The following CPLX1 variants were observed in gnomAD, a reference collection of about 807,000 sequenced individuals.
The protein encoded by CPLX1 is complexin-1.
In CPLX1, 6 loss-of-function variants were observed where a neutral mutation model predicts 15.6. The ratio of observed to expected loss-of-function variants is 0.39; its 90% CI spans 0.21 to 0.76. The LOEUF (loss-of-function observed/expected upper bound fraction) is 0.76. Among genes scored for constraint, CPLX1 ranks in the 30% least tolerant of loss-of-function variants. The pLI, the probability that CPLX1 is intolerant of heterozygous loss-of-function variation, is 0.43. For synonymous variants in CPLX1, 91 were observed against 75.2 expected (o/e 1.21, Z -1.08); for missense variants, 242 against 188.6 (o/e 1.28, Z -1.66).
At chr4:813,264 C>CAAAAAAAA (rs397881229) in intron 2 of CPLX1, among the ~76,000 whole-genome samples, 1 of 93,108 alleles carries the variant, frequency 1.1e-5, no homozygotes. Context: ...GACTCTGTCT[C>CAAAAAAAA]AAAAAAAAAA....
chr4:786,287 A>C lies in CPLX1; in HGVS notation c.*214T>G. 1 of 404,714 alleles carries C rather than the reference A, an allele frequency of 2.5e-6. No homozygotes were observed. 25.1% of individuals were successfully genotyped at this position (404,714 alleles called of 1,614,324 possible). ...CGTCCCAGGCGATGGGGCTCCAGCC[A>C]CCCGCGGGCAGAGGAGCACGGGGCG... On this transcript the variant is annotated 3_prime_UTR_variant, in exon 4 of 4. Transcript: ENST00000304062.
intron 2 of CPLX1, among the ~76,000 whole-genome samples, chr4:816,084 C>T (rs1301706450): frequency 1.3e-5 from 2 of 152,146 alleles, no homozygotes; most frequent in Admixed American, 1.3e-4. Context: ...ACCTTGGAGG[C>T]TGGTTTTTCT....
At chr4:789,919 C>T (rs547163139) in intron 3 of CPLX1, among the ~76,000 whole-genome samples, 5 of 80,372 alleles carry the variant, frequency 6.2e-5, no homozygotes, top group Non-Finnish European at 1.0e-4. Flanking sequence ...AGGGTTCCCC[C>T]ACCCCAACAG....
chr4:793,990 G>A (rs984813497), intron 2 of CPLX1, among the ~76,000 whole-genome samples: 2 of 152,206 alleles, frequency 1.3e-5, no homozygotes, highest in African/African-American at 2.4e-5. Context: ...TGTCCCTGGC[G>A]CTCTGGGTTC....
chr4:795,798 G>A (rs1186726253), intron 2 of CPLX1, among the ~76,000 whole-genome samples: 7 of 148,332 alleles, frequency 4.7e-5, no homozygotes, highest in Admixed American at 4.6e-4. Flanking sequence ...ACCGGGTGGA[G>A]AGGGGGTGGG....
intron 2 of CPLX1, chr4:804,835 G>A: frequency 2.0e-6 from 2 of 985,468 alleles, no homozygotes; most frequent in Non-Finnish European, 1.2e-6. Flanking sequence ...GCAAGCGTGG[G>A]GAGCGACGTG....
intron 2 of CPLX1, among the ~76,000 whole-genome samples, chr4:815,104 G>A (rs1251977760): frequency 1.3e-5 from 2 of 152,188 alleles, no homozygotes; most frequent in African/African-American, 4.8e-5. Flanking sequence ...AAATTCAGTT[G>A]AAGTGTTAGA....
In CPLX1 at chr4:808,684, C is replaced by T. The variant is rs561031453; in HGVS notation, c.31+15808G>A. Among the ~76,000 whole-genome samples the T allele has an allele frequency of 1.1e-4, 17 of 152,244 alleles. No homozygotes were observed. In the South Asian group the frequency reaches 1.9e-3, roughly 17 times the overall value. ...AGAAAGAAGCCTGGGACACACAAAA[C>T]GAGGGGAAACGATTGAGAACTAGCC... On this transcript the variant is annotated intron_variant, in intron 2 of 3. Coordinates refer to ENST00000304062, the MANE Select transcript of CPLX1 (RefSeq NM_006651.4).
intron 2 of CPLX1, among the ~76,000 whole-genome samples, chr4:822,219 ACT>A (rs543542507): frequency 8.0e-5 from 10 of 124,752 alleles, no homozygotes; most frequent in African/African-American, 2.8e-4. Context: ...TATCTCTCTA[ACT>A]CTCTCTGTCT....
intron 3 of CPLX1, among the ~76,000 whole-genome samples, chr4:789,579 G>C (rs963585523): frequency 6.6e-6 from 1 of 152,192 alleles, no homozygotes; most frequent in Admixed American, 6.5e-5. Flanking sequence ...GAAGGCCCAG[G>C]TGTGGGCTGC....
intron 3 of CPLX1, among the ~76,000 whole-genome samples, chr4:791,060 CGTCTCCCGCTCCTGATACCCACA>C (rs1181128827): frequency 1.5e-4 from 23 of 152,220 alleles, no homozygotes; most frequent in Middle Eastern, 3.4e-3. Context: ...CTCCTGTCCC[CGTCTCCCGCTCCTGATACCCACA>C]GTCTCCCGAG....
intron 2 of CPLX1, among the ~76,000 whole-genome samples, chr4:807,615 C>T (rs748941836): frequency 6.6e-6 from 1 of 151,956 alleles, no homozygotes; most frequent in African/African-American, 2.4e-5. Flanking sequence ...GCTGAGATTA[C>T]GGGCAGGTGC....
intron 3 of CPLX1, among the ~76,000 whole-genome samples, chr4:792,146 C>T (rs1746194966): frequency 6.6e-6 from 1 of 152,212 alleles, no homozygotes; most frequent in Non-Finnish European, 1.5e-5. Flanking sequence ...CCCAGGGCCC[C>T]AGGCAGCCAG....
At chr4:798,272 CAA>C (rs35668656) in intron 2 of CPLX1, among the ~76,000 whole-genome samples, 11 of 75,478 alleles carry the variant, frequency 1.5e-4, no homozygotes, top group Admixed American at 4.6e-4. Context: ...GACTCCGTCT[CAA>C]AAAAAAAAAA....
rs979566576 is a variant in CPLX1, at chr4:800,487, TATATACACACAC to T, written c.32-7891_32-7880del. Reference sequence around the variant, plus strand: ...CCATCTCTACTAAAAAATATATATATATATACACACACATATACACACACAGACACATATATG... The same window carrying T: ...CCATCTCTACTAAAAAATATATATATATATACACACACAGACACATATATG... On this transcript the variant is annotated intron_variant, in intron 2 of 3. Transcript: ENST00000304062. Among the ~76,000 whole-genome samples, 5 of 146,178 alleles carry T rather than the reference TATATACACACAC, an allele frequency of 3.4e-5. No individual in the cohort carries two copies. In the South Asian group the frequency reaches 6.4e-4, roughly 19 times the overall value.
chr4:813,281 AAAG>A (rs1372559520), intron 2 of CPLX1, among the ~76,000 whole-genome samples: 4 of 151,884 alleles, frequency 2.6e-5, no homozygotes, highest in African/African-American at 7.3e-5. Context: ...AAAAAAAAAA[AAAG>A]AGAAAGTGAA....
intron 3 of CPLX1, among the ~76,000 whole-genome samples, chr4:789,032 T>C (rs1746087602): frequency 6.6e-6 from 1 of 152,162 alleles, no homozygotes; most frequent in Non-Finnish European, 1.5e-5. Context: ...TGCCACCAGG[T>C]TGTGGGACAC....
intron 2 of CPLX1, among the ~76,000 whole-genome samples, chr4:806,843 T>C (rs1034018545): frequency 1.3e-5 from 2 of 152,154 alleles, no homozygotes; most frequent in African/African-American, 4.8e-5. Flanking sequence ...GCTGGGAAGG[T>C]TGCAGAGAAA....
In CPLX1 at chr4:817,562, G is replaced by GA. The variant is rs955263852; in HGVS notation, c.31+6929dup. On this transcript the variant is annotated intron_variant, in intron 2 of 3. Transcript: ENST00000304062. Reference sequence around the variant, plus strand: ...ATAGAGCGAGACTCTGTCTCAAAAAGAAAAAAAAAATCAGTCCAAGGAGAC... The same window carrying GA: ...ATAGAGCGAGACTCTGTCTCAAAAAGAAAAAAAAAAATCAGTCCAAGGAGAC... Among the ~76,000 whole-genome samples the GA allele has an allele frequency of 1.3e-3, 193 of 145,936 alleles. 1 individual carries two copies. Among genetic ancestry groups the GA allele is most frequent in the African/African-American group, 3.7e-3 (147 of 39,866 alleles).
Sources: allele counts gnomAD v4.1 joint callset (sites outside exome capture counted in the v4.1 genomes callset), GRCh38; gene constraint gnomAD v4.1.1; transcripts MANE v1.5; gene names NCBI Gene and HGNC (gene_info 2026-07-23, HGNC 2026-07-21).